Variants in UPP2 observed in about 807,000 individuals in gnomAD.
UPP2 encodes UPase 2.
Under a neutral mutation model 26.7 loss-of-function variants are expected in UPP2, and 23 were observed. The observed-to-expected ratio is 0.86, with a 90% CI of 0.62 to 1.22. The LOEUF (loss-of-function observed/expected upper bound fraction) is 1.22, where lower values mean the gene tolerates loss of function less well. UPP2 is among the 50% of genes most tolerant of loss of function. UPP2 has a pLI of 0.00. For synonymous variants in UPP2, 127 were observed against 141.3 expected (o/e 0.90, Z 0.72); for missense variants, 387 against 396.7 (o/e 0.98, Z 0.21).
At chr2:158,035,330 T>C (rs1683984158) in intron 3 of UPP2, among the ~76,000 whole-genome samples, 1 of 152,062 alleles carries the variant, frequency 6.6e-6, no homozygotes, top group Non-Finnish European at 1.5e-5. Context: ...CTAATTTTTG[T>C]ATTTTTAGTG....
intron 6 of UPP2, among the ~76,000 whole-genome samples, chr2:158,134,316 C>A (rs564939876): frequency 6.6e-6 from 1 of 152,316 alleles, no homozygotes; most frequent in South Asian, 2.1e-4. Flanking sequence ...CAAACTCAAC[C>A]ATTGCACCAA....
At position 158,017,864 on chromosome 2, in the gene UPP2, C is replaced by A. The variant is rs149464902; in HGVS notation, c.147+1978C>A. 5.7e-3 allele frequency among the ~76,000 whole-genome samples: 863 copies of A among 152,286 alleles called. 9 individuals carry two copies. Among genetic ancestry groups the A allele is most frequent in the African/African-American group, 0.02 (824 of 41,546 alleles). On this transcript the variant is annotated intron_variant, in intron 3 of 9. Coordinates refer to the UPP2 transcript ENST00000605860. ...ATTTTTCAATGAAGCACAAACAATT[C>A]ATTTTCTATTATTCTTTGTTTCTTC...
At chr2:158,008,698 TATTC>T (rs1460655588) in intron 2 of UPP2, among the ~76,000 whole-genome samples, 3 of 152,248 alleles carry the variant, frequency 2.0e-5, no homozygotes, top group African/African-American at 7.2e-5. Flanking sequence ...TTTCATTACA[TATTC>T]ATTATTTTCT....
intron 2 of UPP2, among the ~76,000 whole-genome samples, chr2:158,010,694 T>TTATA (rs1433006900): frequency 2.6e-5 from 4 of 152,110 alleles, no homozygotes; most frequent in African/African-American, 9.7e-5. Context: ...GAAGGCACAG[T>TTATA]TATATTAATA....
intron 2 of UPP2, among the ~76,000 whole-genome samples, chr2:158,015,299 A>G (rs1328041696): frequency 5.3e-5 from 8 of 152,144 alleles, no homozygotes; most frequent in East Asian, 3.9e-4. Context: ...GAATTTAACT[A>G]CTTCAGATAC....
intron 3 of UPP2, among the ~76,000 whole-genome samples, chr2:158,059,687 G>A (rs992306689): frequency 6.6e-6 from 1 of 152,164 alleles, no homozygotes; most frequent in African/African-American, 2.4e-5. Context: ...ACAACGTCTG[G>A]CACACAGAGC....
chr2:158,119,037 A>G (rs1298416714), intron 4 of UPP2, among the ~76,000 whole-genome samples: 1 of 152,036 alleles, frequency 6.6e-6, no homozygotes, highest in Non-Finnish European at 1.5e-5. Context: ...ATCCTTCTAG[A>G]TTGTAGTTTA....
At chr2:158,025,446 CA>C (rs1683819326) in intron 3 of UPP2, among the ~76,000 whole-genome samples, 2 of 152,076 alleles carry the variant, frequency 1.3e-5, no homozygotes, top group South Asian at 4.1e-4. Flanking sequence ...GGAGCAGCTA[CA>C]GGGGAGGGAA....
At chr2:158,125,169 A>C (rs1389112081) in intron 6 of UPP2, among the ~76,000 whole-genome samples, 1 of 152,212 alleles carries the variant, frequency 6.6e-6, no homozygotes, top group African/African-American at 2.4e-5. Context: ...ATTACAGCAC[A>C]ATAAAGCTTC....
chr2:158,058,344 CGCAAGGGA>C (rs1216448416), intron 3 of UPP2, among the ~76,000 whole-genome samples: 15 of 138,884 alleles, frequency 1.1e-4, no homozygotes, highest in African/African-American at 3.8e-4. Context: ...GAAGAAGAGA[CGCAAGGGA>C]GCAAGGGAGC....
chr2:158,136,081 T>C lies in UPP2; in HGVS notation c.*1191T>C, dbSNP rs1052401274. The C allele has an allele frequency of 6.6e-6, 1 of 152,120 alleles. No homozygotes were observed. Among genetic ancestry groups the C allele is most frequent in the Admixed American group, 6.6e-5 (1 of 15,262 alleles). 9.4% of individuals were successfully genotyped at this position (152,120 alleles called of 1,614,324 possible). A position where few individuals can be genotyped will look rare whatever the true frequency, so the allele number is the denominator to read the frequency against. On this transcript the variant is annotated 3_prime_UTR_variant, in exon 7 of 7. Coordinates refer to ENST00000005756, the MANE Select transcript of UPP2 (RefSeq NM_173355.4). The stretch of plus-strand genomic sequence containing the variant: ...AATTGGCCTGCTCCTGGGTGGGGAA[T>C]GTCTTTCTCTTTCAAGCAATGACAA...
At chr2:158,094,410 G>A (rs1181157790) in intron 3 of UPP2, among the ~76,000 whole-genome samples, 1 of 152,064 alleles carries the variant, frequency 6.6e-6, no homozygotes, top group African/African-American at 2.4e-5. Flanking sequence ...AATCACCACA[G>A]CAACAGTATT....
At chr2:158,131,080 A>C (rs935732711) in intron 6 of UPP2, among the ~76,000 whole-genome samples, 4 of 152,228 alleles carry the variant, frequency 2.6e-5, no homozygotes, top group Admixed American at 6.5e-5. Flanking sequence ...TTGATTAAAA[A>C]ACATTTCCTG....
intron 6 of UPP2, among the ~76,000 whole-genome samples, chr2:158,130,815 G>A (rs1404248432): frequency 2.0e-5 from 3 of 152,130 alleles, no homozygotes; most frequent in Non-Finnish European, 2.9e-5. Context: ...GATTCACTGC[G>A]CTTTCCCAAC....
chr2:158,024,097 A>G (rs111443160), intron 3 of UPP2, among the ~76,000 whole-genome samples: 15 of 152,292 alleles, frequency 9.8e-5, no homozygotes, highest in African/African-American at 3.1e-4. Context: ...AGACATTCCA[A>G]TTCTTAGGTC....
At chr2:158,058,241 C>A (rs547013149) in intron 3 of UPP2, among the ~76,000 whole-genome samples, 1 of 147,030 alleles carries the variant, frequency 6.8e-6, no homozygotes. Context: ...TGCAGTGAGC[C>A]GAGATTGTGC....
chr2:158,116,775 C>A (rs1683439675), intron 3 of UPP2, among the ~76,000 whole-genome samples: 1 of 152,172 alleles, frequency 6.6e-6, no homozygotes, highest in Admixed American at 6.5e-5. Flanking sequence ...ATTCATTAGT[C>A]ACAGAGCCAG....
At chr2:158,093,070 G>A (rs1165957988) in intron 3 of UPP2, among the ~76,000 whole-genome samples, 3 of 152,082 alleles carry the variant, frequency 2.0e-5, no homozygotes, top group East Asian at 3.9e-4. Flanking sequence ...ACAGGTGCAC[G>A]CCATCATGAC....
intron 3 of UPP2, among the ~76,000 whole-genome samples, chr2:158,062,612 C>T (rs983747940): frequency 7.2e-5 from 11 of 152,152 alleles, no homozygotes; most frequent in Non-Finnish European, 1.3e-4. Flanking sequence ...GGATAGGACA[C>T]AAAGAGGCAA....
Sources: allele counts gnomAD v4.1 joint callset (sites outside exome capture counted in the v4.1 genomes callset), GRCh38; gene constraint gnomAD v4.1.1; transcripts MANE v1.5; gene names NCBI Gene and HGNC (gene_info 2026-07-23, HGNC 2026-07-21).